The following GFRA1 variants were observed in gnomAD, a reference collection of about 807,000 sequenced individuals.
The protein encoded by GFRA1 is GDNF family receptor alpha-1.
GFRA1 carries 16 observed loss-of-function variants against 51.6 expected under a neutral mutation model. That is an observed-to-expected ratio of 0.31 (90% CI 0.21 to 0.47). GFRA1 has a LOEUF of 0.47. GFRA1 is among the 20% of genes least tolerant of loss of function. The pLI, the probability that GFRA1 is intolerant of heterozygous loss-of-function variation, is 1.00. For missense variants in GFRA1, 530 were observed against 594.3 expected (o/e 0.89, Z 1.13); for synonymous variants, 270 against 241.3 (o/e 1.12, Z -1.10).
At chr10:116,252,006 A>ATAT in intron 4 of GFRA1, among the ~76,000 whole-genome samples, 1 of 148,420 alleles carries the variant, frequency 6.7e-6, no homozygotes, top group African/African-American at 2.5e-5. Context: ...TACCAAATAT[A>ATAT]AAACCCTGAG....
In GFRA1 at chr10:116,095,988, T is replaced by A. The variant is rs111312192; in HGVS notation, c.880+667A>T. Among the ~76,000 whole-genome samples, 16 of 152,202 alleles carry A rather than the reference T, an allele frequency of 1.1e-4. 1 individual carries two copies. The highest frequency in any genetic ancestry group is 3.9e-4 in the African/African-American group (16 of 41,532). ...AGCCCCTGGTATCCAGGGGTCCAAG[T>A]TTGCTTCCCTTCTGACTCTCACGGC... On this transcript the variant is annotated intron_variant, in intron 7 of 10. Transcript: ENST00000355422.
chr10:116,198,127 G>A (rs563574211), intron 5 of GFRA1, among the ~76,000 whole-genome samples: 1 of 152,320 alleles, frequency 6.6e-6, no homozygotes, highest in East Asian at 1.9e-4. Context: ...AGCCTAGGAA[G>A]CCCCAAACCA....
chr10:116,200,272 G>A (rs551303916), intron 5 of GFRA1, among the ~76,000 whole-genome samples: 9 of 152,248 alleles, frequency 5.9e-5, no homozygotes, highest in Admixed American at 5.9e-4. Flanking sequence ...TGATCCAGTG[G>A]CAAGCCCCAC....
intron 9 of GFRA1, among the ~76,000 whole-genome samples, chr10:116,067,165 A>G (rs966513440): frequency 1.3e-5 from 2 of 152,198 alleles, no homozygotes; most frequent in Admixed American, 1.3e-4. Flanking sequence ...ATTGAACCTG[A>G]TTCAAAAGCC....
chr10:116,205,005 T>G (rs1964618881), intron 5 of GFRA1, among the ~76,000 whole-genome samples: 1 of 152,210 alleles, frequency 6.6e-6, no homozygotes, highest in South Asian at 2.1e-4. Flanking sequence ...TCAGCTGTCA[T>G]AAATCACATT....
intron 4 of GFRA1, among the ~76,000 whole-genome samples, chr10:116,263,653 A>G (rs1264801520): frequency 6.6e-6 from 1 of 152,210 alleles, no homozygotes; most frequent in East Asian, 1.9e-4. Flanking sequence ...CAGTTAGTAA[A>G]AGAGTGAAGG....
At chr10:116,101,351 C>G (rs753408637) in intron 6 of GFRA1, among the ~76,000 whole-genome samples, 1 of 152,002 alleles carries the variant, frequency 6.6e-6, no homozygotes, top group African/African-American at 2.4e-5. Context: ...TGTTTTTCTC[C>G]GAGAAAATGA....
At chr10:116,186,370 C>A (rs1962716850) in intron 5 of GFRA1, among the ~76,000 whole-genome samples, 1 of 152,184 alleles carries the variant, frequency 6.6e-6, no homozygotes, top group South Asian at 2.1e-4. Flanking sequence ...AGCCACGTTA[C>A]TTCACACAGA....
At chr10:116,271,237 T>G in intron 2 of GFRA1, 122 bp from the exon 3 acceptor site, 1 of 727,140 alleles carries the variant, frequency 1.4e-6, no homozygotes. Context: ...CGCCCTGCTC[T>G]GGGAGCGGGT....
chr10:116,128,071 T>C (rs1031086105), intron 5 of GFRA1, among the ~76,000 whole-genome samples: 1 of 152,168 alleles, frequency 6.6e-6, no homozygotes, highest in Non-Finnish European at 1.5e-5. Flanking sequence ...GAAAAATGCC[T>C]GAAGAATCGA....
intron 2 of GFRA1, among the ~76,000 whole-genome samples, chr10:116,271,537 C>G (rs1008827241): frequency 6.6e-6 from 1 of 152,140 alleles, no homozygotes; most frequent in Non-Finnish European, 1.5e-5. Context: ...GGGCACCGGG[C>G]GCGCGCTGGG....
At chr10:116,112,825 C>T (rs891601937) in intron 6 of GFRA1, among the ~76,000 whole-genome samples, 2 of 152,210 alleles carry the variant, frequency 1.3e-5, no homozygotes, top group African/African-American at 4.8e-5. Context: ...GGGGCTCCAG[C>T]GCTTGGCTGG....
chr10:116,152,266 G>A (rs1959093049), intron 5 of GFRA1, among the ~76,000 whole-genome samples: 1 of 152,158 alleles, frequency 6.6e-6, no homozygotes, highest in Non-Finnish European at 1.5e-5. Flanking sequence ...AGTTTGGAGG[G>A]TATTGCAATA....
intron 5 of GFRA1, among the ~76,000 whole-genome samples, chr10:116,153,899 C>T (rs1024391888): frequency 6.6e-6 from 1 of 152,068 alleles, no homozygotes; most frequent in Non-Finnish European, 1.5e-5. Context: ...CAGAAAAAGA[C>T]AAGCAACCCA....
chr10:116,125,583 T>C (rs1159309636), intron 5 of GFRA1, 26 bp from the exon 6 acceptor site: 2 of 1,560,792 alleles, frequency 1.3e-6, no homozygotes, highest in Admixed American at 1.7e-5. Context: ...AAGACAGGCA[T>C]GGTCACAGTG....
At position 116,273,146 on chromosome 10, in the gene GFRA1, C is replaced by T. The variant is rs1440773151; in HGVS notation, c.-247+17G>A. The T allele has an allele frequency of 1.3e-5, 2 of 152,206 alleles. No individual in the cohort carries two copies. Among genetic ancestry groups the T allele is most frequent in the East Asian group, 3.9e-4 (2 of 5,166 alleles). The allele number at this position is 152,206 out of a possible 1,614,324, so 9.4% of individuals were successfully genotyped here. ...GGGTTCCCAAACAGAACGAAAAAAA[C>T]TCCAAATGCCACCAACCTGGACTCA... On this transcript the variant is annotated intron_variant, in intron 1 of 10. Transcript: ENST00000355422.
At position 116,064,183 on chromosome 10, in the gene GFRA1, C is replaced by G; in HGVS notation, c.*215G>C. The G allele has an allele frequency of 1.8e-6, 1 of 557,170 alleles. No individual in the cohort carries two copies. Among genetic ancestry groups the G allele is most frequent in the East Asian group, 3.1e-5 (1 of 32,330 alleles). The allele number at this position is 557,170 out of a possible 1,614,324, so 34.5% of individuals were successfully genotyped here. On this transcript the variant is annotated 3_prime_UTR_variant, in exon 11 of 11. Transcript: ENST00000355422. ...AAAATACAGCATATCCCAAAGCCTT[C>G]TGAGTTTGGATGGAGCACTGCATCA...
intron 5 of GFRA1, among the ~76,000 whole-genome samples, chr10:116,184,957 G>A (rs1962563272): frequency 2.6e-5 from 4 of 152,128 alleles, no homozygotes; most frequent in Admixed American, 2.6e-4. Flanking sequence ...CATCAATCCA[G>A]CACCTCTGTT....
At chr10:116,265,571 T>G (rs1018236855) in intron 4 of GFRA1, among the ~76,000 whole-genome samples, 1 of 152,198 alleles carries the variant, frequency 6.6e-6, no homozygotes, top group Admixed American at 6.5e-5. Context: ...TCCTTTCAAA[T>G]CCCTGTTTAC....
Sources: gnomAD v4.1 joint callset for allele counts (sites outside exome capture counted in the v4.1 genomes callset) on GRCh38, gnomAD v4.1.1 for gene constraint, MANE v1.5 for transcripts, NCBI Gene and HGNC (gene_info 2026-07-23, HGNC 2026-07-21) for gene names.